CACNA2D1: variants seen among roughly 807,000 people sequenced by gnomAD.
CACNA2D1 encodes calcium voltage-gated channel auxiliary subunit alpha2delta 1.
CACNA2D1 carries 53 observed loss-of-function variants against 171.5 expected under a neutral mutation model. The ratio of observed to expected loss-of-function variants is 0.31; its 90% CI spans 0.25 to 0.39. The LOEUF (loss-of-function observed/expected upper bound fraction) is 0.39. Among genes scored for constraint, CACNA2D1 ranks in the 10% least tolerant of loss-of-function variants. The pLI is 1.00. For synonymous variants in CACNA2D1, 442 were observed against 443.1 expected, an observed-to-expected ratio of 1.00 and a Z score of 0.03; for missense variants, 903 against 1,299.8, an observed-to-expected ratio of 0.69 and a Z score of 4.69.
In CACNA2D1 at chr7:82,149,793, AC is replaced by A. The variant is rs1176451177; in HGVS notation, c.355-13118del. 1.6e-3 allele frequency among the ~76,000 whole-genome samples: 231 copies of A among 143,808 alleles called. 3 individuals are homozygous for A. The highest frequency in any genetic ancestry group is 5.6e-3 in the African/African-American group (215 of 38,352). The allele number at this position is 143,808 out of a possible 152,430, so 94.3% of individuals were successfully genotyped here. On this transcript the variant is annotated intron_variant, in intron 4 of 38. Transcript: ENST00000356860. ...AATACAAAAAAAAAACAAACAAACAACAAAAAAAAAAACATTAGCTGGGTGT... is the reference window on the plus strand; with the variant it reads ...AATACAAAAAAAAAACAAACAAACAAAAAAAAAAAAACATTAGCTGGGTGT...
chr7:82,369,924 A>G (rs976700784), intron 1 of CACNA2D1, among the ~76,000 whole-genome samples: 1 of 152,140 alleles, frequency 6.6e-6, no homozygotes, highest in Non-Finnish European at 1.5e-5. Context: ...TTGTAATGTA[A>G]TCCTGTAAAT....
intron 21 of CACNA2D1, 56 bp downstream of exon 21, chr7:81,991,127 TGC>T: frequency 1.2e-6 from 1 of 855,568 alleles, no homozygotes; most frequent in Non-Finnish European, 2.0e-6. Flanking sequence ...CTTGTGAAAA[TGC>T]AGACTTAATA....
At chr7:81,977,469 T>C (rs1795968993) in intron 24 of CACNA2D1, among the ~76,000 whole-genome samples, 2 of 152,112 alleles carry the variant, frequency 1.3e-5, no homozygotes, top group South Asian at 4.2e-4. Flanking sequence ...TTGACAAACC[T>C]GACAAAAACA....
chr7:81,998,508 G>A (rs1405041795), intron 18 of CACNA2D1, among the ~76,000 whole-genome samples: 1 of 151,872 alleles, frequency 6.6e-6, no homozygotes, highest in Non-Finnish European at 1.5e-5. Context: ...AGTATACACG[G>A]CATGTATTTA....
At chr7:82,267,857 C>T (rs559285070) in intron 3 of CACNA2D1, among the ~76,000 whole-genome samples, 2 of 152,034 alleles carry the variant, frequency 1.3e-5, no homozygotes, top group South Asian at 4.2e-4. Context: ...ATTAGCCGGG[C>T]GTGGTGGCGG....
chr7:82,405,261 GTTAACAC>G (rs1826893481), intron 1 of CACNA2D1, among the ~76,000 whole-genome samples: 1 of 152,028 alleles, frequency 6.6e-6, no homozygotes, highest in South Asian at 2.1e-4. Context: ...AAAATAGATG[GTTAACAC>G]ACTTTCTTTT....
chr7:82,333,581 C>T (rs893097827), intron 3 of CACNA2D1, among the ~76,000 whole-genome samples: 2 of 151,746 alleles, frequency 1.3e-5, no homozygotes, highest in African/African-American at 2.4e-5. Context: ...GGGAAAGACC[C>T]GCCCCCATGA....
intron 4 of CACNA2D1, among the ~76,000 whole-genome samples, chr7:82,159,999 C>T (rs55650371): frequency 0.37 from 55,017 of 147,940 alleles, 10,367 homozygotes; most frequent in Middle Eastern, 0.45. Context: ...AGACACCAAA[C>T]AATCAAAAAT....
At position 82,234,014 on chromosome 7, in the gene CACNA2D1, C is replaced by T. The variant is rs969125466; in HGVS notation, c.295-63405G>A. On this transcript the variant is annotated intron_variant, in intron 3 of 38. Transcript: ENST00000356860. ...ACTGTGAAAAGAGCCACTACTTATC[C>T]CATTTGTGATAAATTATTAATTGAA... Among the ~76,000 whole-genome samples, 3 of 152,072 alleles carry T rather than the reference C, an allele frequency of 2.0e-5. No individual in the cohort carries two copies. In the Middle Eastern group the frequency reaches 0.01, roughly 521 times the overall value.
chr7:82,437,792 A>C (rs1830218830), intron 1 of CACNA2D1, among the ~76,000 whole-genome samples: 1 of 152,156 alleles, frequency 6.6e-6, no homozygotes, highest in African/African-American at 2.4e-5. Context: ...AATTACTACA[A>C]AAGATGTAAA....
intron 3 of CACNA2D1, among the ~76,000 whole-genome samples, chr7:82,296,931 C>G (rs145974354): frequency 6.6e-6 from 1 of 151,880 alleles, no homozygotes; most frequent in East Asian, 1.9e-4. Flanking sequence ...ACTATTATTT[C>G]TCATTAGTAA....
At chr7:82,102,680 A>G (rs188705999) in intron 6 of CACNA2D1, among the ~76,000 whole-genome samples, 32 of 152,236 alleles carry the variant, frequency 2.1e-4, no homozygotes, top group Admixed American at 7.8e-4. Context: ...TTCCATCTAC[A>G]AGGTCATGGG....
chr7:82,367,053 T>C (rs1242977713), intron 1 of CACNA2D1, among the ~76,000 whole-genome samples: 1 of 151,602 alleles, frequency 6.6e-6, no homozygotes, highest in African/African-American at 2.4e-5. Flanking sequence ...ACTACAGATA[T>C]GTACCACCAT....
chr7:82,333,522 T>C (rs1817635384), intron 3 of CACNA2D1, among the ~76,000 whole-genome samples: 3 of 151,984 alleles, frequency 2.0e-5, no homozygotes, highest in Admixed American at 2.0e-4. Context: ...GGAATTCCCC[T>C]TTATAAAACC....
chr7:82,013,171 C>T lies in CACNA2D1; in HGVS notation c.1272+290G>A, dbSNP rs140364882. On this transcript the variant is annotated intron_variant, in intron 14 of 38. Coordinates refer to ENST00000356860, the MANE Select transcript of CACNA2D1 (RefSeq NM_000722.4). ...TTGTAGTAGACTCAAGTTCAAATTA[C>T]ATGAAATGTATTTTTAGAAAATTTG... Among the ~76,000 whole-genome samples the T allele has an allele frequency of 4.0e-3, 607 of 151,934 alleles. 6 individuals carry two copies. Among genetic ancestry groups the T allele is most frequent in the African/African-American group, 0.014 (582 of 41,510 alleles).
At chr7:82,074,935 CAT>C (rs1808778925) in intron 7 of CACNA2D1, among the ~76,000 whole-genome samples, 2 of 151,948 alleles carry the variant, frequency 1.3e-5, no homozygotes, top group African/African-American at 4.8e-5. Flanking sequence ...CATAGGTACA[CAT>C]GTGCCACGTT....
At chr7:82,150,258 A>T (rs1379566649) in intron 4 of CACNA2D1, among the ~76,000 whole-genome samples, 4 of 49,112 alleles carry the variant, frequency 8.1e-5, no homozygotes, top group East Asian at 8.0e-4. Flanking sequence ...AGATCAAATT[A>T]AAAAAAAAAA....
chr7:82,172,616 CTTTTTTT>C (rs55737158), intron 3 of CACNA2D1, among the ~76,000 whole-genome samples: 9 of 64,510 alleles, frequency 1.4e-4, no homozygotes, highest in East Asian at 5.3e-4. Flanking sequence ...AGAAACCCGG[CTTTTTTT>C]TTTTTTTTTT....
chr7:82,263,044 C>A (rs1392935931), intron 3 of CACNA2D1, among the ~76,000 whole-genome samples: 1 of 150,466 alleles, frequency 6.6e-6, no homozygotes, highest in Non-Finnish European at 1.5e-5. Flanking sequence ...TAAAAATAGA[C>A]AAGTTTCCTG....
Sources: gnomAD v4.1 joint callset for allele counts (sites outside exome capture counted in the v4.1 genomes callset) on GRCh38, gnomAD v4.1.1 for gene constraint, MANE v1.5 for transcripts, NCBI Gene and HGNC (gene_info 2026-07-23, HGNC 2026-07-21) for gene names.